The following FZR1 variants were observed in gnomAD, a reference collection of about 807,000 sequenced individuals.
The protein encoded by FZR1 is fizzy and cell division cycle 20 related 1, also known as fizzy-related protein homolog.
FZR1 carries 11 observed loss-of-function variants against 63.6 expected under a neutral mutation model. The ratio of observed to expected loss-of-function variants is 0.17; its 90% confidence interval spans 0.11 to 0.29. The LOEUF (loss-of-function observed/expected upper bound fraction) is 0.29. Ranked by LOEUF, FZR1 falls within the 10% of genes least tolerant of loss-of-function variation. FZR1 has a pLI of 1.00. For missense variants in FZR1, 440 were observed against 687.5 expected (o/e 0.64, Z 4.03); for synonymous variants, 328 against 297.9 (o/e 1.10, Z -1.04).
intron 2 of FZR1, among the ~76,000 whole-genome samples, chr19:3,523,952 G>A (rs1315326892): frequency 5.9e-5 from 9 of 152,200 alleles, no homozygotes; most frequent in Non-Finnish European, 1.5e-5. Context: ...TGTGCGGTGC[G>A]GCCCCCACAG....
chr19:3,512,401 C>G (rs1249652253), intron 1 of FZR1, among the ~76,000 whole-genome samples: 1 of 152,214 alleles, frequency 6.6e-6, no homozygotes, highest in Non-Finnish European at 1.5e-5. Context: ...GTTGTCCCTG[C>G]TTAACTGATG....
chr19:3,531,661 C>A, intron 8 of FZR1, 53 bp from the exon 9 acceptor site: 1 of 1,306,638 alleles, frequency 7.7e-7, no homozygotes, highest in South Asian at 1.3e-5. Flanking sequence ...AGGACGGGCA[C>A]AGTCCCCGGG....
chr19:3,533,581 C>G lies in FZR1; in HGVS notation c.1347+183C>G. On this transcript the variant is annotated intron_variant, in intron 12 of 13. Transcript: ENST00000441788. This position sits in a 1 kb window ranked among gnomAD's most constrained non-coding sequence, Gnocchi z 4.9. ...GTTGTGTTGCCAGCGTTGGAATGGG[C>G]TCTACCGAACTCCCCAGCCCTGCAG... The G allele has an allele frequency of 1.7e-6, 1 of 586,778 alleles. No homozygotes were observed. Among genetic ancestry groups the G allele is most frequent in the Non-Finnish European group, 3.1e-6 (1 of 326,966 alleles). 36.3% of individuals were successfully genotyped at this position (586,778 alleles called of 1,614,324 possible).
chr19:3,533,829 A>AC lies in FZR1; in HGVS notation c.1347+432dup, dbSNP rs2083271348. ...CAAGATTTTGTTTCTTCCCTGAAAA[A>AC]CATGTTCTGTGCTTTCATCCGCGCA... On this transcript the variant is annotated intron_variant, in intron 12 of 13. Transcript: ENST00000441788. The surrounding 1 kb of genome is among the most constrained non-coding windows in gnomAD (Gnocchi z 4.9). 5.5e-6 allele frequency: 1 copy of AC among 181,920 alleles called. No homozygotes were observed. Among genetic ancestry groups the AC allele is most frequent in the Non-Finnish European group, 1.1e-5 (1 of 87,792 alleles). The allele number at this position is 181,920 out of a possible 1,614,324, so 11.3% of individuals were successfully genotyped here.
At chr19:3,511,718 G>A (rs2083025819) in intron 1 of FZR1, among the ~76,000 whole-genome samples, 1 of 152,140 alleles carries the variant, frequency 6.6e-6, no homozygotes, top group Non-Finnish European at 1.5e-5. Context: ...TGACGTGCAC[G>A]GGGTGTATTC....
chr19:3,531,275 C>T (rs1199108684), intron 8 of FZR1, among the ~76,000 whole-genome samples: 1 of 152,190 alleles, frequency 6.6e-6, no homozygotes, highest in Admixed American at 6.5e-5. Flanking sequence ...CAGGGCTGCC[C>T]CTAGCACTCG....
At position 3,532,555 on chromosome 19, in the gene FZR1, C is replaced by T. The variant is rs1485366651; in HGVS notation, c.1147C>T (p.Arg383Cys). ...GGGCGGCACAGCTGACCGCTGTATC[C>T]GCTTCTGGAACACGCTGACAGGACA... ...SGGGTADRCIRFWNTLTGQPL... is the reference protein window; with the variant it reads ...SGGGTADRCICFWNTLTGQPL... The change falls in exon 11 of 14, where the codon CGC becomes TGC. Residue 383 changes from arginine to cysteine, a missense_variant. Around this residue, in one of 5 missense-constraint regions of FZR1, gnomAD observed 208 missense variants for 363.6 expected, o/e 0.57. Transcript: ENST00000441788. The T allele has an allele frequency of 5.0e-6, 8 of 1,612,644 alleles. No individual in the cohort carries two copies. Among genetic ancestry groups the T allele is most frequent in the Middle Eastern group, 1.7e-4 (1 of 6,056 alleles).
At chr19:3,509,993 G>A (rs1293663107) in intron 1 of FZR1, among the ~76,000 whole-genome samples, 2 of 152,072 alleles carry the variant, frequency 1.3e-5, no homozygotes, top group Admixed American at 6.5e-5. Flanking sequence ...GGCTGATCGT[G>A]TCTGATGGTG....
At chr19:3,519,732 G>A (rs1205070284) in intron 1 of FZR1, among the ~76,000 whole-genome samples, 1 of 152,198 alleles carries the variant, frequency 6.6e-6, no homozygotes, top group Non-Finnish European at 1.5e-5. Context: ...TTCCGACGGA[G>A]ACTCCCCCAG....
chr19:3,528,794 AGTGGATGGGTAC>A (rs1263662465), intron 7 of FZR1, among the ~76,000 whole-genome samples: 21 of 124,408 alleles, frequency 1.7e-4, no homozygotes, highest in Non-Finnish European at 2.6e-4. Flanking sequence ...TGGATGGGAG[AGTGGATGGGTAC>A]GTGGATGGGT....
At chr19:3,508,633 G>A (rs987309999) in intron 1 of FZR1, among the ~76,000 whole-genome samples, 4 of 152,212 alleles carry the variant, frequency 2.6e-5, no homozygotes, top group African/African-American at 9.6e-5. Context: ...ATTTAGAGGG[G>A]AGAGGATGGA....
rs112693645 is a variant in FZR1, at chr19:3,532,360, C to G, written c.1009-57C>G. 2.0e-5 allele frequency: 27 copies of G among 1,373,794 alleles called. No homozygotes were observed. In the South Asian group the frequency reaches 3.0e-4, roughly 15 times the overall value. 85.1% of individuals were successfully genotyped at this position (1,373,794 alleles called of 1,614,324 possible). A position where few individuals can be genotyped will look rare whatever the true frequency, so the allele number is the denominator to read the frequency against. On this transcript the variant is annotated intron_variant, in intron 10 of 13. Coordinates refer to ENST00000441788, the MANE Select transcript of FZR1 (RefSeq NM_016263.4). ...GGCAGGTCGTCACACCTGTGAGGAC[C>G]GGCCTATGGGACCACAGGGCTGGGA...
intron 1 of FZR1, among the ~76,000 whole-genome samples, chr19:3,507,082 C>T (rs753991621): frequency 1.3e-5 from 2 of 152,156 alleles, no homozygotes; most frequent in African/African-American, 2.4e-5. Flanking sequence ...CACCAGTCCC[C>T]GCAGGCACGG....
rs1488611847 is a variant in FZR1 at position 3,525,685 on chromosome 19, GC to G, written c.70-180del. Among the ~76,000 whole-genome samples, 1 of 151,928 alleles carries G rather than the reference GC, an allele frequency of 6.6e-6. No homozygotes were observed. The highest frequency in any genetic ancestry group is 3.2e-3 in the Middle Eastern group (1 of 316). On this transcript the variant is annotated intron_variant, in intron 2 of 13. Transcript: ENST00000441788. The surrounding 1 kb of genome is among the most constrained non-coding windows in gnomAD (Gnocchi z 4.2). Reference sequence around the variant, plus strand: ...TCTTGATCTCCTGACCTCGTGATCCGCCCGCCTCGGCCTCCCAAAGTGCTGG... The same window carrying G: ...TCTTGATCTCCTGACCTCGTGATCCGCCGCCTCGGCCTCCCAAAGTGCTGG...
In FZR1 at chr19:3,527,646, G is replaced by T. The variant is rs773971742; in HGVS notation, c.486G>T (p.Arg162=). 2 of 1,608,914 alleles carry T rather than the reference G, an allele frequency of 1.2e-6. No homozygotes were observed. The highest frequency in any genetic ancestry group is 1.7e-6 in the Non-Finnish European group (2 of 1,178,848). ...GCCTCTGCAGCCAGAAGCTGCTCCGGTCCCCCCGGAAACCCACCCGCAAGA... is the reference window on the plus strand; with the variant it reads ...GCCTCTGCAGCCAGAAGCTGCTCCGTTCCCCCCGGAAACCCACCCGCAAGA... The part of the protein sequence containing the change: ...PVSNKSQKLL[R]SPRKPTRKIS... The change falls in exon 7 of 14, where the codon CGG becomes CGT. Residue 162 remains arginine, a synonymous_variant. Transcript: ENST00000441788.
In FZR1 at chr19:3,526,840, G is replaced by C. The variant is rs1371620376; in HGVS notation, c.388-140G>C. The C allele has an allele frequency of 4.6e-6, 3 of 652,820 alleles. No individual in the cohort carries two copies. Among genetic ancestry groups the C allele is most frequent in the Admixed American group, 5.1e-5 (2 of 39,458 alleles). The allele number at this position is 652,820 out of a possible 1,614,324, so 40.4% of individuals were successfully genotyped here. On this transcript the variant is annotated intron_variant, in intron 5 of 13. Coordinates refer to ENST00000441788, the MANE Select transcript of FZR1 (RefSeq NM_016263.4). The surrounding 1 kb of genome is among the most constrained non-coding windows in gnomAD (Gnocchi z 5.4). ...CGCAGTCCCCGCCAGGAAGGCGCCT[G>C]CCTTTTTACAGCTGCTCCACACAGG...
chr19:3,532,921 C>T (rs1334559870), intron 11 of FZR1, among the ~76,000 whole-genome samples: 2 of 152,112 alleles, frequency 1.3e-5, no homozygotes, highest in Admixed American at 1.3e-4. Flanking sequence ...GCTCCTATGG[C>T]TGCCTCTGCT....
At position 3,526,128 on chromosome 19, in the gene FZR1, G is replaced by A; in HGVS notation, c.204G>A (p.Glu68=). 6.2e-7 allele frequency: 1 copy of A among 1,612,926 alleles called. No homozygotes were observed. Among genetic ancestry groups the A allele is most frequent in the South Asian group, 1.1e-5 (1 of 91,080 alleles). Residue 68 remains glutamate, a synonymous_variant, in exon 4 of 14, where the codon GAG becomes GAA. Coordinates refer to ENST00000441788, the MANE Select transcript of FZR1 (RefSeq NM_016263.4). This position sits in a 1 kb window ranked among gnomAD's most constrained non-coding sequence, Gnocchi z 5.4. ...SVNFHRINEN[E]KSPSQNRKAK... is the part of the protein sequence containing the mutation. ...TGCTCTCCTGCCTGCAGGAGAATGAGAAGTCTCCCAGTCAGAACCGGAAAG... is the reference window on the plus strand; with the variant it reads ...TGCTCTCCTGCCTGCAGGAGAATGAAAAGTCTCCCAGTCAGAACCGGAAAG...
rs761383619 is a variant in FZR1, at chr19:3,532,437, G to A, written c.1029G>A (p.Ser343=). ...CCCAGCTGCTGGTCTGGAATCACTC[G>A]AGCCTGAGCCCCGTGCAGCAGTACA... ...NDNKLLVWNH[S]SLSPVQQYTE... is the part of the protein sequence containing the mutation. Residue 343 remains serine, a synonymous_variant, in exon 11 of 14, where the codon TCG becomes TCA. Coordinates refer to ENST00000441788, the MANE Select transcript of FZR1 (RefSeq NM_016263.4). The A allele has an allele frequency of 6.9e-6, 11 of 1,591,802 alleles. No individual in the cohort carries two copies. Among genetic ancestry groups the A allele is most frequent in the African/African-American group, 4.1e-5 (3 of 74,058 alleles).
Sources: allele counts gnomAD v4.1 joint callset (sites outside exome capture counted in the v4.1 genomes callset), GRCh38; gene constraint gnomAD v4.1.1; regional missense constraint gnomAD v4.1.1; non-coding constraint Gnocchi (gnomAD v3.1); transcripts MANE v1.5; gene names NCBI Gene and HGNC (gene_info 2026-07-23, HGNC 2026-07-21).